Variants in IMMP2L observed in about 807,000 individuals in gnomAD.
IMMP2L encodes the protein inner mitochondrial membrane peptidase subunit 2.
IMMP2L carries 18 observed loss-of-function variants against 19.3 expected under a neutral mutation model. The ratio of observed to expected loss-of-function variants is 0.93; its 90% CI spans 0.64 to 1.38. IMMP2L has a LOEUF of 1.38. Ranked by LOEUF, IMMP2L falls within the 40% of genes most tolerant of loss-of-function variation. The pLI is 0.00. For missense variants in IMMP2L, 233 were observed against 218.2 expected (o/e 1.07, Z -0.43); for synonymous variants, 76 against 73.0 (o/e 1.04, Z -0.21).
Position 110,926,512 on chromosome 7 carries a change from T to C in IMMP2L, c.305+36988A>G, listed in dbSNP as rs577007699. On this transcript the variant is annotated intron_variant, in intron 4 of 5. Transcript: ENST00000405709. ...TCATTATTCTTGTCAAGAAATATAA[T>C]CCTCATCTCTTTCATGCCTAAGTCT... 1.1e-4 allele frequency among the ~76,000 whole-genome samples: 16 copies of C among 152,290 alleles called. No individual in the cohort carries two copies. The South Asian group carries it at 2.7e-3, about 26-fold the overall frequency.
chr7:110,767,671 T>C (rs1263225494), intron 5 of IMMP2L, among the ~76,000 whole-genome samples: 2 of 152,196 alleles, frequency 1.3e-5, no homozygotes, highest in Non-Finnish European at 2.9e-5. Context: ...TTTCCAATGT[T>C]ATTCTCTTGA....
chr7:111,081,170 T>C (rs2129576451), intron 3 of IMMP2L, among the ~76,000 whole-genome samples: 1 of 152,344 alleles, frequency 6.6e-6, no homozygotes, highest in East Asian at 1.9e-4. Flanking sequence ...ATTTAGTTTA[T>C]CCTTAGTCAA....
chr7:110,832,128 G>A (rs974305636), intron 5 of IMMP2L, among the ~76,000 whole-genome samples: 2 of 152,114 alleles, frequency 1.3e-5, no homozygotes, highest in African/African-American at 4.8e-5. Flanking sequence ...TGGGTGTGGT[G>A]GCGTGTGCCT....
At chr7:111,394,939 G>A (rs549010138) in intron 3 of IMMP2L, 8 of 239,326 alleles carry the variant, frequency 3.3e-5, no homozygotes, top group Admixed American at 8.1e-5. Flanking sequence ...TGGTGTCATC[G>A]AAGTGGCAAG....
At chr7:110,892,206 G>A (rs1027678075) in intron 4 of IMMP2L, among the ~76,000 whole-genome samples, 2 of 152,162 alleles carry the variant, frequency 1.3e-5, no homozygotes, top group Middle Eastern at 3.4e-3. Context: ...CCTCTGGTCC[G>A]TTCCCTGAGT....
At chr7:110,953,537 A>G (rs1451871516) in intron 4 of IMMP2L, among the ~76,000 whole-genome samples, 1 of 152,042 alleles carries the variant, frequency 6.6e-6, no homozygotes, top group Non-Finnish European at 1.5e-5. Flanking sequence ...CATGGTGTAT[A>G]TGTGCCACAT....
At chr7:110,952,217 G>T (rs1033012210) in intron 4 of IMMP2L, among the ~76,000 whole-genome samples, 1 of 152,096 alleles carries the variant, frequency 6.6e-6, no homozygotes, top group Non-Finnish European at 1.5e-5. Context: ...TCACTACTTG[G>T]AGTTCATACC....
At chr7:110,818,198 T>G (rs934656320) in intron 5 of IMMP2L, among the ~76,000 whole-genome samples, 13 of 151,940 alleles carry the variant, frequency 8.6e-5, no homozygotes, top group African/African-American at 2.4e-4. Context: ...GGGAGAAAAT[T>G]TTCGCAACCT....
At chr7:111,258,795 C>T (rs975516717) in intron 3 of IMMP2L, among the ~76,000 whole-genome samples, 4 of 152,060 alleles carry the variant, frequency 2.6e-5, no homozygotes, top group African/African-American at 7.2e-5. Context: ...TGTGAGCCAC[C>T]GTGCCTAGCC....
At chr7:111,501,579 T>C (rs1356689247) in intron 2 of IMMP2L, among the ~76,000 whole-genome samples, 1 of 152,030 alleles carries the variant, frequency 6.6e-6, no homozygotes, top group Non-Finnish European at 1.5e-5. Flanking sequence ...GAGAGAAAGG[T>C]CGGGTTACCC....
At chr7:111,262,659 A>T (rs37736) in intron 3 of IMMP2L, among the ~76,000 whole-genome samples, 12,851 of 152,236 alleles carry the variant, frequency 0.084, 616 homozygotes, top group African/African-American at 0.11. Flanking sequence ...TTTATGAGGT[A>T]TATCTCCCTA....
intron 4 of IMMP2L, among the ~76,000 whole-genome samples, chr7:110,892,891 C>T (rs572705982): frequency 1.7e-4 from 26 of 152,178 alleles, no homozygotes; most frequent in South Asian, 6.2e-4. Context: ...TACCCAAAAA[C>T]GTTTCTTCAT....
chr7:111,068,392 T>A (rs1794687859), intron 3 of IMMP2L, among the ~76,000 whole-genome samples: 2 of 152,200 alleles, frequency 1.3e-5, no homozygotes. Context: ...TATAAATTAA[T>A]ATGTAAAACC....
chr7:111,018,787 T>TTTATTATTA lies in IMMP2L; in HGVS notation c.240-55231_240-55223dup, dbSNP rs61180550. 1.1e-3 allele frequency among the ~76,000 whole-genome samples: 151 copies of TTTATTATTA among 141,490 alleles called. 1 individual carries two copies. The highest frequency in any genetic ancestry group is 2.2e-3 in the Admixed American group (30 of 13,940). The allele number at this position is 141,490 out of a possible 152,430, so 92.8% of individuals were successfully genotyped here. A position where few individuals can be genotyped will look rare whatever the true frequency, so the allele number is the denominator to read the frequency against. On this transcript the variant is annotated intron_variant, in intron 3 of 5. Transcript: ENST00000405709. ...CTAACCACTGGAAATTGTGTGTCTT[T>TTTATTATTA]TTATTATTATTATTATTATTATTAT... is the stretch of plus-strand genomic sequence containing the variant.
intron 3 of IMMP2L, among the ~76,000 whole-genome samples, chr7:111,199,455 G>T (rs1478641319): frequency 6.6e-6 from 1 of 151,966 alleles, no homozygotes; most frequent in Non-Finnish European, 1.5e-5. Context: ...AACACTAAAA[G>T]AAGCCAAAAC....
At chr7:110,979,875 T>C (rs917126023) in intron 3 of IMMP2L, among the ~76,000 whole-genome samples, 1 of 152,142 alleles carries the variant, frequency 6.6e-6, no homozygotes, top group Admixed American at 6.5e-5. Context: ...GCTTTATAAA[T>C]ATACTAAAAA....
At chr7:110,823,115 G>A (rs2131343007) in intron 5 of IMMP2L, among the ~76,000 whole-genome samples, 1 of 152,166 alleles carries the variant, frequency 6.6e-6, no homozygotes, top group South Asian at 2.1e-4. Flanking sequence ...AGTTTTTAAT[G>A]TAATTTTTAT....
intron 5 of IMMP2L, among the ~76,000 whole-genome samples, chr7:110,788,345 T>C (rs1220537741): frequency 1.3e-5 from 2 of 149,356 alleles, no homozygotes; most frequent in Non-Finnish European, 2.9e-5. Context: ...CATCTTATAA[T>C]AGCACGTGAT....
At chr7:111,231,864 C>T (rs1813753699) in intron 3 of IMMP2L, among the ~76,000 whole-genome samples, 1 of 151,924 alleles carries the variant, frequency 6.6e-6, no homozygotes, top group African/African-American at 2.4e-5. Context: ...TCATATGATA[C>T]AACTGTCAAG....
Sources: allele counts gnomAD v4.1 joint callset (sites outside exome capture counted in the v4.1 genomes callset), GRCh38; gene constraint gnomAD v4.1.1; transcripts MANE v1.5; gene names NCBI Gene and HGNC (gene_info 2026-07-23, HGNC 2026-07-21).